DPP10: variants seen among roughly 807,000 people sequenced by gnomAD.
The protein encoded by DPP10 is dipeptidyl peptidase like 10.
DPP10 carries 33 observed loss-of-function variants against 120.9 expected under a neutral mutation model. The observed-to-expected ratio is 0.27, with a 90% confidence interval of 0.21 to 0.37. The LOEUF (loss-of-function observed/expected upper bound fraction) is 0.37, where lower values mean the gene tolerates loss of function less well. Among genes scored for constraint, DPP10 ranks in the 10% least tolerant of loss-of-function variants. DPP10 has a pLI of 1.00. For synonymous variants in DPP10, 337 were observed against 326.1 expected, an observed-to-expected ratio of 1.03 and a Z score of -0.36; for missense variants, 816 against 942.8, an observed-to-expected ratio of 0.87 and a Z score of 1.76.
chr2:114,621,822 C>T (rs1694113760), intron 1 of DPP10, among the ~76,000 whole-genome samples: 1 of 151,454 alleles, frequency 6.6e-6, no homozygotes, highest in South Asian at 2.1e-4. Context: ...GTGCCTGCCT[C>T]CTTGTGTGTA....
At chr2:115,807,571 A>C (rs1686140883) in intron 19 of DPP10, among the ~76,000 whole-genome samples, 1 of 152,170 alleles carries the variant, frequency 6.6e-6, no homozygotes. Context: ...TAAGGAGACA[A>C]TCTCTGGCTT....
At chr2:115,013,472 T>C (rs1702405343) in intron 1 of DPP10, among the ~76,000 whole-genome samples, 1 of 152,014 alleles carries the variant, frequency 6.6e-6, no homozygotes, top group African/African-American at 2.4e-5. Context: ...GTTATGTGTC[T>C]TGGGGTTACT....
chr2:114,852,492 T>C (rs1211616757), intron 1 of DPP10, among the ~76,000 whole-genome samples: 1 of 152,200 alleles, frequency 6.6e-6, no homozygotes, highest in African/African-American at 2.4e-5. Context: ...ATTTACATAG[T>C]ATTTACATTT....
At chr2:115,806,542 A>C (rs1400559104) in intron 19 of DPP10, among the ~76,000 whole-genome samples, 3 of 151,862 alleles carry the variant, frequency 2.0e-5, no homozygotes, top group African/African-American at 7.3e-5. Context: ...TTAGAAAACC[A>C]GTATTGTATC....
intron 5 of DPP10, among the ~76,000 whole-genome samples, chr2:115,614,377 T>A (rs577189932): frequency 7.2e-4 from 110 of 152,152 alleles, no homozygotes; most frequent in Non-Finnish European, 1.4e-3. Flanking sequence ...TGCCCCTCTG[T>A]TGGTCAACAT....
At chr2:114,464,131 C>A (rs988293007) in intron 1 of DPP10, among the ~76,000 whole-genome samples, 2 of 152,134 alleles carry the variant, frequency 1.3e-5, no homozygotes, top group Non-Finnish European at 2.9e-5. Context: ...GACATAAATT[C>A]AAGTCAATTG....
At chr2:115,612,909 C>T (rs1295361729) in intron 5 of DPP10, among the ~76,000 whole-genome samples, 2 of 151,350 alleles carry the variant, frequency 1.3e-5, no homozygotes, top group African/African-American at 2.4e-5. Context: ...AAAGTCATGA[C>T]AACTGGTAAC....
chr2:115,761,556 C>G (rs763114775), intron 11 of DPP10, among the ~76,000 whole-genome samples: 3 of 151,982 alleles, frequency 2.0e-5, no homozygotes, highest in Non-Finnish European at 4.4e-5. Context: ...GTGGTACTAA[C>G]AAGCAGTGGC....
chr2:114,832,693 AATAGCCCAAACAAAT>A (rs998524216), intron 1 of DPP10, among the ~76,000 whole-genome samples: 1 of 152,240 alleles, frequency 6.6e-6, no homozygotes, highest in Non-Finnish European at 1.5e-5. Context: ...AGAGATATCT[AATAGCCCAAACAAAT>A]ATTTGAAATC....
At chr2:115,451,929 G>A (rs2073142328) in intron 3 of DPP10, among the ~76,000 whole-genome samples, 1 of 151,432 alleles carries the variant, frequency 6.6e-6, no homozygotes, top group Admixed American at 6.6e-5. Flanking sequence ...TGTTTATAGA[G>A]GTGGTGAAAA....
At position 115,814,961 on chromosome 2, in the gene DPP10, A is replaced by G. The variant is rs774211573; in HGVS notation, c.1869A>G (p.Glu623=). The change falls in exon 20 of 26, where the codon GAA becomes GAG. Residue 623 remains glutamate, a synonymous_variant. Coordinates refer to ENST00000410059, the MANE Select transcript of DPP10 (RefSeq NM_020868.6). ...TTCATCGAAGATTAGGTTCAGTAGA[A>G]GTAAAGGACCAAATAACAGCTGTGA... ...QEIHRRLGSV[E]VKDQITAVKF... is the part of the protein sequence containing the mutation. The G allele has an allele frequency of 6.2e-7, 1 of 1,609,362 alleles. No homozygotes were observed. The highest frequency in any genetic ancestry group is 1.1e-5 in the South Asian group (1 of 90,626).
At chr2:115,033,887 CTTTTTCTTTTT>C (rs1704028943) in intron 1 of DPP10, among the ~76,000 whole-genome samples, 1 of 122,644 alleles carries the variant, frequency 8.2e-6, no homozygotes, top group African/African-American at 3.0e-5. Context: ...TTTTCTTTTT[CTTTTTCTTTTT>C]TTTTTTTTTT....
intron 1 of DPP10, among the ~76,000 whole-genome samples, chr2:115,167,379 G>C (rs957175641): frequency 6.6e-6 from 1 of 151,428 alleles, no homozygotes; most frequent in Admixed American, 6.6e-5. Flanking sequence ...GCAACGTAAT[G>C]TGACTTTGTC....
At chr2:115,743,392 G>C (rs1049508649) in intron 9 of DPP10, among the ~76,000 whole-genome samples, 1 of 152,018 alleles carries the variant, frequency 6.6e-6, no homozygotes, top group African/African-American at 2.4e-5. Context: ...TAGCGCTGCT[G>C]ACATAAAGAA....
At chr2:114,614,425 T>G (rs1233958594) in intron 1 of DPP10, among the ~76,000 whole-genome samples, 1 of 152,198 alleles carries the variant, frequency 6.6e-6, no homozygotes, top group South Asian at 2.1e-4. Context: ...AAGAACTTGT[T>G]TTCATAGAAA....
chr2:115,220,232 C>A (rs111988536), intron 1 of DPP10, among the ~76,000 whole-genome samples: 34 of 152,274 alleles, frequency 2.2e-4, no homozygotes, highest in African/African-American at 7.9e-4. Context: ...TCACCTGCTT[C>A]ATTTTATACA....
chr2:114,825,932 T>A (rs1686493314), intron 1 of DPP10, among the ~76,000 whole-genome samples: 1 of 152,220 alleles, frequency 6.6e-6, no homozygotes, highest in African/African-American at 2.4e-5. Context: ...TGTTTCTATT[T>A]TCTACAAAGC....
At chr2:115,133,145 G>GTATACATATA (rs2050458078) in intron 1 of DPP10, among the ~76,000 whole-genome samples, 1 of 28,762 alleles carries the variant, frequency 3.5e-5, no homozygotes, top group South Asian at 1.6e-3. Flanking sequence ...GTGTGTGTGT[G>GTATACATATA]TATATATATA....
chr2:115,696,414 A>C (rs947623516), intron 7 of DPP10, among the ~76,000 whole-genome samples: 3 of 152,210 alleles, frequency 2.0e-5, no homozygotes, highest in African/African-American at 4.8e-5. Context: ...CTCATCAGAA[A>C]CATAAGAAGC....
Sources: gnomAD v4.1 joint callset for allele counts (sites outside exome capture counted in the v4.1 genomes callset) on GRCh38, gnomAD v4.1.1 for gene constraint, MANE v1.5 for transcripts, NCBI Gene and HGNC (gene_info 2026-07-23, HGNC 2026-07-21) for gene names.